CSE1L: variants seen among roughly 807,000 people sequenced by gnomAD.
CSE1L encodes chromosome segregation 1 like.
Under a neutral mutation model 120.4 loss-of-function variants are expected in CSE1L, and 24 were observed. The ratio of observed to expected loss-of-function variants is 0.20; its 90% CI spans 0.14 to 0.28. CSE1L has a LOEUF of 0.28. CSE1L is among the 10% of genes least tolerant of loss of function. CSE1L has a pLI of 1.00. For missense variants in CSE1L, 830 were observed against 1,145.2 expected (o/e 0.72, Z 3.97); for synonymous variants, 402 against 398.3 (o/e 1.01, Z -0.11).
chr20:49,095,942 A>G (rs1414462744), intron 24 of CSE1L, among the ~76,000 whole-genome samples: 1 of 152,174 alleles, frequency 6.6e-6, no homozygotes, highest in South Asian at 2.1e-4. Context: ...ACTTTCAAAC[A>G]TATATAGAAA....
At chr20:49,078,902 TTTTG>T in intron 14 of CSE1L, among the ~76,000 whole-genome samples, 1 of 152,306 alleles carries the variant, frequency 6.6e-6, no homozygotes, top group South Asian at 2.1e-4. Context: ...CTCTGCCACT[TTTTG>T]TTTGAGATGG....
At chr20:49,070,360 T>C (rs1446127631) in intron 8 of CSE1L, 63 bp downstream of exon 8, 1 of 764,412 alleles carries the variant, frequency 1.3e-6, no homozygotes. Context: ...TTGGCTACAG[T>C]CTGGAAACCT....
At chr20:49,089,221 A>G in intron 17 of CSE1L, 26 bp from the exon 18 acceptor site, 2 of 1,501,356 alleles carry the variant, frequency 1.3e-6, no homozygotes, top group African/African-American at 3.3e-5. Flanking sequence ...TATTAGCATA[A>G]TTAGGTTTTT....
intron 1 of CSE1L, 39 bp from the exon 2 acceptor site, chr20:49,058,414 G>A (rs372875852): frequency 1.4e-5 from 19 of 1,380,370 alleles, no homozygotes; most frequent in Admixed American, 9.5e-5. Flanking sequence ...CACTTTTTCC[G>A]TAAGTGACCA....
chr20:49,079,392 G>A (rs1343783743), intron 14 of CSE1L, among the ~76,000 whole-genome samples: 3 of 149,738 alleles, frequency 2.0e-5, no homozygotes, highest in African/African-American at 4.9e-5. Context: ...ACGCCTGGCT[G>A]ATTTTTTGTA....
rs59986218 is a variant in CSE1L, at chr20:49,047,564, C to CTTTTTTTTTTT, written c.-12+1159_-12+1169dup. 5.2e-3 allele frequency among the ~76,000 whole-genome samples: 362 copies of CTTTTTTTTTTT among 69,834 alleles called. 57 individuals carry two copies. The highest frequency in any genetic ancestry group is 0.01 in the African/African-American group (131 of 12,964). 45.8% of individuals were successfully genotyped at this position (69,834 alleles called of 152,430 possible). ...TCTTTTTCTTTTTCTTTTCTCTTTT[C>CTTTTTTTTTTT]TTTTTTTTTTTTTTTTTTTTTTTTT... On this transcript the variant is annotated intron_variant, in intron 1 of 24. Coordinates refer to ENST00000262982, the MANE Select transcript of CSE1L (RefSeq NM_001316.4).
At position 49,065,055 on chromosome 20, in the gene CSE1L, G is replaced by T. The variant is rs769944656; in HGVS notation, c.229-1137G>T. On this transcript the variant is annotated intron_variant, in intron 3 of 24. Transcript: ENST00000262982. ...GGTGTGCATCTGTGGTCCTTGGGAGGCTGCAGTGGGAGGGATTGTCTTGAG... is the reference window on the plus strand; with the variant it reads ...GGTGTGCATCTGTGGTCCTTGGGAGTCTGCAGTGGGAGGGATTGTCTTGAG... Among the ~76,000 whole-genome samples, 242 of 151,236 alleles carry T rather than the reference G, an allele frequency of 1.6e-3. 1 individual carries two copies. The highest frequency in any genetic ancestry group is 3.0e-3 in the Non-Finnish European group (206 of 67,886).
chr20:49,067,543 A>G (rs2091902355), intron 6 of CSE1L, among the ~76,000 whole-genome samples: 1 of 152,150 alleles, frequency 6.6e-6, no homozygotes, highest in Non-Finnish European at 1.5e-5. Flanking sequence ...CAAGCATCAT[A>G]TCATTTCACC....
At chr20:49,092,211 T>G in intron 22 of CSE1L, 84 bp downstream of exon 22, 3 of 701,630 alleles carry the variant, frequency 4.3e-6, no homozygotes, top group Non-Finnish European at 7.2e-6. Context: ...GTCTTATAGA[T>G]GATGATGTGG....
Position 49,066,529 on chromosome 20 carries a change from A to G in CSE1L, c.476+19A>G, listed in dbSNP as rs1046594777. The G allele has an allele frequency of 6.3e-7, 1 of 1,578,256 alleles. No individual in the cohort carries two copies. The highest frequency in any genetic ancestry group is 1.4e-5 in the African/African-American group (1 of 73,292). ...TTAAAAGGTATTGATGCATAGATTC[A>G]TGTTTTTAAAATACTTTCTAAAGTT... On this transcript the variant is annotated intron_variant, in intron 5 of 24. Transcript: ENST00000262982.
rs751528033 is a variant in CSE1L, at chr20:49,067,277, T to G, written c.564T>G (p.Phe188Leu). The change falls in exon 6 of 25, where the codon TTT becomes TTG. Residue 188 changes from phenylalanine (F) to leucine (L), a missense_variant. Physicochemically the swap from Phe to Leu is conservative, Grantham distance 22. Transcript: ENST00000262982. ...DAFALPLTNL[F>L]KATIELCSTH... The stretch of plus-strand genomic sequence containing the variant: ...TTGCTTTGCCTTTGACTAATCTTTT[T>G]AAGGTATGGAATGCATCTTGGTGAT... 6.3e-7 allele frequency: 1 copy of G among 1,592,630 alleles called. No homozygotes were observed. Among genetic ancestry groups the G allele is most frequent in the Non-Finnish European group, 8.6e-7 (1 of 1,162,246 alleles).
chr20:49,063,801 G>A (rs1164260952), intron 3 of CSE1L, among the ~76,000 whole-genome samples: 1 of 152,170 alleles, frequency 6.6e-6, no homozygotes, highest in Non-Finnish European at 1.5e-5. Flanking sequence ...GAAAAATAAA[G>A]CTGAGAAGAA....
intron 22 of CSE1L, among the ~76,000 whole-genome samples, chr20:49,093,674 T>C (rs1300053393): frequency 1.3e-5 from 2 of 150,848 alleles, no homozygotes; most frequent in Non-Finnish European, 2.9e-5. Flanking sequence ...CCTAGCACTT[T>C]GGGAGGCTGA....
At chr20:49,081,909 A>G (rs2092015616) in intron 14 of CSE1L, among the ~76,000 whole-genome samples, 1 of 152,196 alleles carries the variant, frequency 6.6e-6, no homozygotes, top group African/African-American at 2.4e-5. Flanking sequence ...TCCAGGCCAT[A>G]TTTATGTATA....
chr20:49,071,201 G>T (rs2091929020), intron 8 of CSE1L, among the ~76,000 whole-genome samples: 1 of 152,176 alleles, frequency 6.6e-6, no homozygotes, highest in South Asian at 2.1e-4. Flanking sequence ...GGTACAGAAA[G>T]AAATTGTTAC....
intron 2 of CSE1L, 76 bp from the exon 3 acceptor site, chr20:49,063,126 T>TA (rs968779550): frequency 7.3e-5 from 53 of 724,992 alleles, no homozygotes; most frequent in South Asian, 2.1e-4. Flanking sequence ...TGATTTTTTT[T>TA]TATATATATA....
At position 49,080,359 on chromosome 20, in the gene CSE1L, G is replaced by A. The variant is rs140916296; in HGVS notation, c.1482+1737G>A. 6.6e-5 allele frequency among the ~76,000 whole-genome samples: 10 copies of A among 151,106 alleles called. No homozygotes were observed. In the East Asian group the frequency reaches 9.8e-4, roughly 15 times the overall value. Reference sequence around the variant, plus strand: ...GTCCCAAGTAGCTGGGACTACAGGCGTCAGGCACCATGCCTGGCCCTGGTT... The same window carrying A: ...GTCCCAAGTAGCTGGGACTACAGGCATCAGGCACCATGCCTGGCCCTGGTT... On this transcript the variant is annotated intron_variant, in intron 14 of 24. Coordinates refer to ENST00000262982, the MANE Select transcript of CSE1L (RefSeq NM_001316.4).
intron 1 of CSE1L, among the ~76,000 whole-genome samples, chr20:49,050,641 C>T (rs2091759973): frequency 6.6e-6 from 1 of 151,438 alleles, no homozygotes. Context: ...GAACTCCTGA[C>T]CTCAGATGAT....
intron 14 of CSE1L, among the ~76,000 whole-genome samples, chr20:49,082,418 A>G (rs1028011240): frequency 6.6e-6 from 1 of 152,070 alleles, no homozygotes; most frequent in Non-Finnish European, 1.5e-5. Context: ...TGCTGGGATT[A>G]CAGTCGTGAT....
Sources: gnomAD v4.1 joint callset for allele counts (sites outside exome capture counted in the v4.1 genomes callset) on GRCh38, gnomAD v4.1.1 for gene constraint, MANE v1.5 for transcripts, NCBI Gene and HGNC (gene_info 2026-07-23, HGNC 2026-07-21) for gene names.